Variants in TENM1 observed in about 807,000 individuals in gnomAD.
TENM1 encodes teneurin-1.
In TENM1, 35 loss-of-function variants were observed where a neutral mutation model predicts 174.8. That is an observed-to-expected ratio of 0.20 (90% CI 0.15 to 0.27). The LOEUF is 0.27. TENM1 is among the 10% of genes least tolerant of loss of function. The pLI, the probability that TENM1 is intolerant of heterozygous loss-of-function variation, is 1.00. For synonymous variants in TENM1, 781 were observed against 798.7 expected (o/e 0.98, Z 0.37); for missense variants, 1,633 against 2,130.1 (o/e 0.77, Z 4.59).
chrX:125,067,280 A>G, the TENM1 span, among the ~76,000 whole-genome samples: 4 of 111,178 alleles, frequency 3.6e-5, no homozygotes, highest in Non-Finnish European at 7.5e-5. Flanking sequence ...GAAAAATCCA[A>G]TCTTATCAAA....
intron 1 of TENM1, among the ~76,000 whole-genome samples, chrX:124,900,791 CT>C (rs370775010): frequency 0.01 from 1,014 of 98,111 alleles, 16 homozygotes; most frequent in African/African-American, 0.035. Context: ...TCTTCTTCTT[CT>C]TTTTTTTTTT....
chrX:124,503,097 G>T (rs923042248), intron 19 of TENM1, among the ~76,000 whole-genome samples: 1 of 111,588 alleles, frequency 9.0e-6, no homozygotes, highest in African/African-American at 3.3e-5. Flanking sequence ...AGCTTGTTCA[G>T]AATCTGTCTC....
chrX:124,456,156 G>A (rs909774), intron 22 of TENM1, among the ~76,000 whole-genome samples: 2 of 110,866 alleles, frequency 1.8e-5, no homozygotes, highest in Admixed American at 9.6e-5. Context: ...ATACTCACTA[G>A]TTGCCTTCAG....
At position 124,659,869 on chromosome X, in the gene TENM1, A is replaced by T. The variant is rs139145610; in HGVS notation, c.1169-6086T>A. Among the ~76,000 whole-genome samples, 651 of 111,479 alleles carry T rather than the reference A, an allele frequency of 5.8e-3. 8 individuals are homozygous for T. The highest frequency in any genetic ancestry group is 0.02 in the African/African-American group (611 of 30,621). The stretch of plus-strand genomic sequence containing the variant: ...TTCGACAAGGTCACCAAGACAATTC[A>T]ATGGGGGAAAGAATAATACTTTCAA... On this transcript the variant is annotated intron_variant, in intron 6 of 31. Transcript: ENST00000422452.
intron 3 of TENM1, among the ~76,000 whole-genome samples, chrX:124,818,684 A>T (rs1214769488): frequency 2.7e-5 from 3 of 111,943 alleles, no homozygotes; most frequent in Non-Finnish European, 5.6e-5. Flanking sequence ...TTGAGATTAC[A>T]GAACAGGTTA....
At chrX:124,548,256 T>C (rs950917729) in intron 14 of TENM1, among the ~76,000 whole-genome samples, 4 of 111,981 alleles carry the variant, frequency 3.6e-5, no homozygotes, top group African/African-American at 1.3e-4. Flanking sequence ...ATAAAACTCA[T>C]ACAAAGGCTT....
the TENM1 span, among the ~76,000 whole-genome samples, chrX:125,184,086 C>G: frequency 4.5e-5 from 5 of 111,708 alleles, no homozygotes; most frequent in African/African-American, 1.6e-4. Context: ...GGCTTTTCTA[C>G]TATGTCATGT....
At chrX:124,662,817 C>T (rs367814435) in intron 6 of TENM1, among the ~76,000 whole-genome samples, 4 of 111,898 alleles carry the variant, frequency 3.6e-5, no homozygotes, top group African/African-American at 1.3e-4. Context: ...ATTTTTATTT[C>T]TGTACAACAG....
intron 19 of TENM1, among the ~76,000 whole-genome samples, chrX:124,502,254 G>C (rs1007702984): frequency 1.9e-5 from 2 of 106,678 alleles, no homozygotes; most frequent in Non-Finnish European, 3.8e-5. Flanking sequence ...CTAATTACTG[G>C]TGAATTGGAG....
Position 124,405,279 on chromosome X carries a change from G to C in TENM1, c.5156-13C>G, listed in dbSNP as rs771938951. On this transcript the variant is annotated splice_polypyrimidine_tract_variant and intron_variant, in intron 26 of 31. Coordinates refer to ENST00000422452, the Ensembl canonical transcript of TENM1. ...CTTTGAGTATTTTCTGTAGACAGAA[G>C]AGCAAAGGAGGAAGAGGGGGAAGGA... The C allele has an allele frequency of 3.4e-6, 4 of 1,159,689 alleles. No individual in the cohort carries two copies. The highest frequency in any genetic ancestry group is 1.2e-6 in the Non-Finnish European group (1 of 852,942).
the TENM1 span, among the ~76,000 whole-genome samples, chrX:124,984,808 G>T: frequency 8.9e-6 from 1 of 111,865 alleles, no homozygotes; most frequent in Non-Finnish European, 1.9e-5. Flanking sequence ...ATAAGAATTT[G>T]GAATTTCCTA....
chrX:124,922,656 G>C (rs748370920), intron 1 of TENM1, among the ~76,000 whole-genome samples: 1 of 110,776 alleles, frequency 9.0e-6, no homozygotes, highest in Admixed American at 9.7e-5. Flanking sequence ...TTTGTGCAAA[G>C]TCTTGAAAAT....
At chrX:124,999,667 C>A in the TENM1 span, among the ~76,000 whole-genome samples, 1 of 110,988 alleles carries the variant, frequency 9.0e-6, no homozygotes, top group Non-Finnish European at 1.9e-5. Flanking sequence ...GGAGTTTGAA[C>A]ATGATCTAAA....
intron 11 of TENM1, among the ~76,000 whole-genome samples, chrX:124,620,404 T>A (rs891772232): frequency 1.8e-5 from 2 of 111,739 alleles, no homozygotes; most frequent in Non-Finnish European, 3.8e-5. Context: ...CAAAAAACAC[T>A]CTTGATATTT....
At chrX:124,829,824 T>C (rs2056249780) in intron 3 of TENM1, among the ~76,000 whole-genome samples, 1 of 112,463 alleles carries the variant, frequency 8.9e-6, no homozygotes. Context: ...TCTGTATTTA[T>C]AATCTGTGGG....
At chrX:124,471,140 A>C (rs181805218) in intron 22 of TENM1, among the ~76,000 whole-genome samples, 967 of 82,960 alleles carry the variant, frequency 0.012, 20 homozygotes, top group African/African-American at 0.04. Context: ...ATATATAGTA[A>C]TATATAATAT....
chrX:124,885,677 T>G (rs1421008950), intron 3 of TENM1, among the ~76,000 whole-genome samples: 1 of 110,605 alleles, frequency 9.0e-6, no homozygotes, highest in Non-Finnish European at 1.9e-5. Context: ...ACCTTAAGGA[T>G]TTTTTCCTGT....
intron 3 of TENM1, among the ~76,000 whole-genome samples, chrX:124,748,329 C>T: frequency 9.1e-6 from 1 of 109,527 alleles, no homozygotes; most frequent in Non-Finnish European, 1.9e-5. Context: ...AAATGGGTTG[C>T]ATGTCAAGGT....
the TENM1 span, among the ~76,000 whole-genome samples, chrX:125,096,764 G>A: frequency 9.1e-6 from 1 of 109,994 alleles, no homozygotes; most frequent in Non-Finnish European, 1.9e-5. Flanking sequence ...TCCTACCCTC[G>A]AAGTCTGTAA....
Sources: gnomAD v4.1 joint callset for allele counts (sites outside exome capture counted in the v4.1 genomes callset) on GRCh38, gnomAD v4.1.1 for gene constraint, MANE v1.5 for transcripts, NCBI Gene and HGNC (gene_info 2026-07-23, HGNC 2026-07-21) for gene names.